N4BP1: variants seen among roughly 807,000 people sequenced by gnomAD.
N4BP1 encodes the protein NEDD4 binding protein 1.
N4BP1 carries 21 observed loss-of-function variants against 70.9 expected under a neutral mutation model. The ratio of observed to expected loss-of-function variants is 0.30; its 90% CI spans 0.21 to 0.43. The LOEUF (loss-of-function observed/expected upper bound fraction) is 0.43, where lower values mean the gene tolerates loss of function less well. Ranked by LOEUF, N4BP1 falls within the 20% of genes least tolerant of loss-of-function variation. N4BP1 has a pLI of 1.00. For synonymous variants in N4BP1, 387 were observed against 394.6 expected (o/e 0.98, Z 0.23); for missense variants, 936 against 1,069.4 (o/e 0.88, Z 1.74).
intron 2 of N4BP1, among the ~76,000 whole-genome samples, chr16:48,556,156 A>G (rs1429745694): frequency 2.0e-5 from 3 of 152,234 alleles, no homozygotes; most frequent in Non-Finnish European, 2.9e-5. Flanking sequence ...TAATAAGATC[A>G]TATCACTTTT....
At position 48,539,144 on chromosome 16, in the gene N4BP1, A is replaced by T. The variant is rs1317818672; in HGVS notation, c.*3760T>A. ...GTGGACAGCCACGGACACTAAGCTC[A>T]GGAGATGTGAACTTTGTGGTCTGGT... On this transcript the variant is annotated 3_prime_UTR_variant, in exon 7 of 7. Coordinates refer to ENST00000262384, the MANE Select transcript of N4BP1 (RefSeq NM_153029.4). 1 of 152,336 alleles carries T rather than the reference A, an allele frequency of 6.6e-6. No individual in the cohort carries two copies. Among genetic ancestry groups the T allele is most frequent in the Non-Finnish European group, 1.5e-5 (1 of 68,114 alleles). 9.4% of individuals were successfully genotyped at this position (152,336 alleles called of 1,614,324 possible).
At chr16:48,581,513 C>T (rs930258965) in intron 1 of N4BP1, among the ~76,000 whole-genome samples, 1 of 151,862 alleles carries the variant, frequency 6.6e-6, no homozygotes, top group Non-Finnish European at 1.5e-5. Context: ...AACAGTCCAC[C>T]AAAAAAACCC....
At chr16:48,593,901 CTGAGACAAAAGAGTTGCT>C (rs1259416511) in intron 1 of N4BP1, among the ~76,000 whole-genome samples, 1 of 147,178 alleles carries the variant, frequency 6.8e-6, no homozygotes, top group Admixed American at 6.9e-5. Flanking sequence ...ACTCAGGAGG[CTGAGACAAAAGAGTTGCT>C]TGAAACCAGT....
chr16:48,557,912 T>C (rs1963779699), intron 2 of N4BP1, among the ~76,000 whole-genome samples: 1 of 152,200 alleles, frequency 6.6e-6, no homozygotes, highest in Admixed American at 6.5e-5. Context: ...AGTCAAAGTT[T>C]ATTCACACTT....
intron 1 of N4BP1, among the ~76,000 whole-genome samples, chr16:48,564,484 G>C (rs1963909986): frequency 6.6e-6 from 1 of 152,126 alleles, no homozygotes; most frequent in South Asian, 2.1e-4. Flanking sequence ...TACTTGTGTG[G>C]AACTACTTGT....
In N4BP1 at chr16:48,561,914, A is replaced by T. The variant is rs761081472; in HGVS notation, c.729T>A (p.Pro243=). ...QEEARNKAGT[P]VSELTKQMDT... Reference sequence around the variant, plus strand: ...CCATTTGTTTTGTAAGCTCAGAAACAGGAGTCCCAGCTTTATTTCTTGCCT... The same window carrying T: ...CCATTTGTTTTGTAAGCTCAGAAACTGGAGTCCCAGCTTTATTTCTTGCCT... The change falls in exon 2 of 7, where the codon CCT becomes CCA. Residue 243 remains proline (P), a synonymous_variant. Transcript: ENST00000262384. The T allele has an allele frequency of 6.6e-5, 107 of 1,613,976 alleles. No individual in the cohort carries two copies. In the Admixed American group the frequency reaches 8.2e-4, roughly 12 times the overall value.
At chr16:48,546,822 T>C (rs1963597737) in intron 5 of N4BP1, among the ~76,000 whole-genome samples, 1 of 152,260 alleles carries the variant, frequency 6.6e-6, no homozygotes, top group African/African-American at 2.4e-5. Context: ...TACCTTGTTT[T>C]TGTGAATGCT....
chr16:48,581,822 T>TA (rs1179211776), intron 1 of N4BP1, among the ~76,000 whole-genome samples: 9 of 152,216 alleles, frequency 5.9e-5, no homozygotes, highest in African/African-American at 2.2e-4. Flanking sequence ...ATTAAAGACT[T>TA]AAAGGTTAAG....
intron 2 of N4BP1, among the ~76,000 whole-genome samples, chr16:48,556,241 C>T (rs1963752296): frequency 6.6e-6 from 1 of 151,972 alleles, no homozygotes; most frequent in African/African-American, 2.4e-5. Flanking sequence ...ACAAATTTAC[C>T]CAAAAAATAA....
chr16:48,569,726 G>A (rs1963989508), intron 1 of N4BP1, among the ~76,000 whole-genome samples: 1 of 152,142 alleles, frequency 6.6e-6, no homozygotes, highest in African/African-American at 2.4e-5. Context: ...CCACATGTAT[G>A]CCACTGTGTA....
In N4BP1 at chr16:48,560,998, A is replaced by G. The variant is rs1056792613; in HGVS notation, c.1645T>C (p.Cys549Arg). 6.2e-7 allele frequency: 1 copy of G among 1,613,858 alleles called. No individual in the cohort carries two copies. Among genetic ancestry groups the G allele is most frequent in the African/African-American group, 1.3e-5 (1 of 74,908 alleles). Residue 549 changes from cysteine to arginine, a missense_variant, in exon 2 of 7, where the codon TGT (cysteine) becomes CGT (arginine). Physicochemically the swap from Cys to Arg is radical, Grantham distance 180. Coordinates refer to ENST00000262384, the MANE Select transcript of N4BP1 (RefSeq NM_153029.4). Reference protein sequence around the residue: ...KSACEKRLGCCSSPHSKPNCS... With the variant: ...KSACEKRLGCRSSPHSKPNCS... ...TTTGGCTTAGAATGAGGAGAACTAC[A>G]ACATCCTAAACGTTTTTCACAGGCA...
intron 1 of N4BP1, among the ~76,000 whole-genome samples, chr16:48,576,210 T>C (rs1964091619): frequency 6.6e-6 from 1 of 152,210 alleles, no homozygotes; most frequent in African/African-American, 2.4e-5. Flanking sequence ...TGTAAGTCTA[T>C]AACAGGTCTA....
In N4BP1 at chr16:48,562,030, T is replaced by C. The variant is rs1963866958; in HGVS notation, c.613A>G (p.Ile205Val). The stretch of plus-strand genomic sequence containing the variant: ...GTTTGTTGAGAATCTCTCATTTCAA[T>C]AACCTCATCATCTCCTGTTTCAAAG... ...NLFETGDDEV[I>V]EMRDSQQTEF... Residue 205 changes from isoleucine (I) to valine (V), a missense_variant, in exon 2 of 7, where the codon ATT (isoleucine) becomes GTT (valine). Coordinates refer to ENST00000262384, the MANE Select transcript of N4BP1 (RefSeq NM_153029.4). The C allele has an allele frequency of 1.2e-6, 2 of 1,613,808 alleles. No individual in the cohort carries two copies. The highest frequency in any genetic ancestry group is 1.7e-6 in the Non-Finnish European group (2 of 1,179,894).
intron 1 of N4BP1, among the ~76,000 whole-genome samples, chr16:48,604,222 C>T (rs1029841506): frequency 2.6e-5 from 4 of 152,210 alleles, no homozygotes; most frequent in Admixed American, 1.3e-4. Context: ...CTGTACTGTA[C>T]GCCACTGGGG....
chr16:48,602,120 A>G (rs1026666908), intron 1 of N4BP1, among the ~76,000 whole-genome samples: 1 of 152,144 alleles, frequency 6.6e-6, no homozygotes, highest in Non-Finnish European at 1.5e-5. Flanking sequence ...ACTAACCAGG[A>G]GTCTGAGGTG....
chr16:48,577,294 T>G (rs943150028), intron 1 of N4BP1, among the ~76,000 whole-genome samples: 20 of 152,084 alleles, frequency 1.3e-4, no homozygotes, highest in Non-Finnish European at 2.4e-4. Context: ...TTCCTACCTT[T>G]GACTAGTGCC....
intron 4 of N4BP1, among the ~76,000 whole-genome samples, chr16:48,548,982 G>A (rs1597090889): frequency 1.3e-5 from 2 of 152,150 alleles, no homozygotes; most frequent in East Asian, 3.9e-4. Flanking sequence ...AAAAGGGAAA[G>A]GATGAAGCAG....
chr16:48,604,825 TCTCTTAGATAATAAGA>T (rs1443187452), intron 1 of N4BP1, among the ~76,000 whole-genome samples: 2 of 152,154 alleles, frequency 1.3e-5, no homozygotes, highest in East Asian at 1.9e-4. Context: ...ATTCCTTGCT[TCTCTTAGATAATAAGA>T]CTGGACATCA....
intron 1 of N4BP1, among the ~76,000 whole-genome samples, chr16:48,592,681 AAC>A (rs1264626114): frequency 1.3e-5 from 2 of 152,246 alleles, no homozygotes; most frequent in Non-Finnish European, 2.9e-5. Context: ...TTTGGTAATA[AAC>A]AGTTTTAAAG....
Sources: allele counts gnomAD v4.1 joint callset (sites outside exome capture counted in the v4.1 genomes callset), GRCh38; gene constraint gnomAD v4.1.1; transcripts MANE v1.5; gene names NCBI Gene and HGNC (gene_info 2026-07-23, HGNC 2026-07-21).